The following ZNF791 variants were observed in gnomAD, a reference collection of about 807,000 sequenced individuals.
The protein encoded by ZNF791 is zinc finger protein 791.
A neutral mutation model predicts 11.5 loss-of-function variants in ZNF791; 4 were observed. The observed-to-expected ratio is 0.35, with a 90% CI of 0.17 to 0.80. ZNF791 has a LOEUF of 0.80. Ranked by LOEUF, ZNF791 falls within the 30% of genes least tolerant of loss-of-function variation. The pLI is 0.53. For missense variants in ZNF791, 559 were observed against 699.4 expected, an observed-to-expected ratio of 0.80 and a Z score of 2.26; for synonymous variants, 212 against 228.1, an observed-to-expected ratio of 0.93 and a Z score of 0.64.
intron 1 of ZNF791, among the ~76,000 whole-genome samples, chr19:12,621,345 C>T (rs913017867): frequency 2.0e-5 from 3 of 152,064 alleles, no homozygotes; most frequent in African/African-American, 7.2e-5. Flanking sequence ...TGTGAGGGCC[C>T]CTTCCTTGTG....
At chr19:12,622,740 A>G (rs1485077791) in intron 1 of ZNF791, among the ~76,000 whole-genome samples, 3 of 151,926 alleles carry the variant, frequency 2.0e-5, no homozygotes, top group South Asian at 4.1e-4. Flanking sequence ...TAAAAATACA[A>G]AAAATTAGCT....
Position 12,628,548 on chromosome 19 carries a change from G to A in ZNF791, c.1019G>A (p.Arg340His), listed in dbSNP as rs143839457. ...CKECGKSFSA[R>H]PAFRVHVRVH... ...GAATGTGGGAAATCTTTCAGTGCAC[G>A]CCCAGCCTTTCGAGTACACGTGAGA... is the stretch of plus-strand genomic sequence containing the variant. Residue 340 changes from arginine to histidine, a missense_variant, in exon 4 of 4, where the codon CGC (arginine) becomes CAC (histidine). By Grantham distance (29) the Arg-to-His change is conservative (BLOSUM62 0). Coordinates refer to ENST00000343325, the MANE Select transcript of ZNF791 (RefSeq NM_153358.3). 39 of 1,601,852 alleles carry A rather than the reference G, an allele frequency of 2.4e-5. No homozygotes were observed. Among genetic ancestry groups the A allele is most frequent in the East Asian group, 4.5e-5 (2 of 44,718 alleles).
At chr19:12,626,600 ATTTTAT>A (rs763344600) in intron 3 of ZNF791, among the ~76,000 whole-genome samples, 1 of 151,690 alleles carries the variant, frequency 6.6e-6, no homozygotes, top group African/African-American at 2.4e-5. Context: ...ACAGTATTTT[ATTTTAT>A]TTTTATTTTT....
chr19:12,612,778 A>G (rs183743793), intron 1 of ZNF791, among the ~76,000 whole-genome samples: 23 of 143,256 alleles, frequency 1.6e-4, no homozygotes, highest in African/African-American at 5.9e-4. Flanking sequence ...CTTTATACGT[A>G]AACACTGTGT....
rs370413296 is a variant in ZNF791 at position 12,622,411 on chromosome 19, CAAAAAAA to C, written c.4-1274_4-1268del. On this transcript the variant is annotated intron_variant, in intron 1 of 3. Transcript: ENST00000343325. ...ATAATAAAAAAAAGACTGTCTCAAA[CAAAAAAA>C]AAAAAAAAAAAAAACCTCCACCTCA... Among the ~76,000 whole-genome samples, 7 of 79,604 alleles carry C rather than the reference CAAAAAAA, an allele frequency of 8.8e-5. No individual in the cohort carries two copies. The East Asian group carries it at 1.9e-3, about 22-fold the overall frequency. The allele number at this position is 79,604 out of a possible 152,430, so 52.2% of individuals were successfully genotyped here.
At chr19:12,612,045 C>T (rs924786478) in intron 1 of ZNF791, among the ~76,000 whole-genome samples, 1 of 152,086 alleles carries the variant, frequency 6.6e-6, no homozygotes, top group South Asian at 2.1e-4. Flanking sequence ...TGTTCTTTCC[C>T]TGAGCACATG....
rs770530719 is a variant in ZNF791, at chr19:12,623,708, G to A, written c.12G>A (p.Val4=). The change falls in exon 2 of 4, where the codon GTG becomes GTA. Residue 4 remains valine, a synonymous_variant. Coordinates refer to ENST00000343325, the MANE Select transcript of ZNF791 (RefSeq NM_153358.3). ...TATATTGGATGTTTCAGGACTCAGT[G>A]GCTTTTGAGGATGTGTCTGTGAGCT... MDS[V]AFEDVSVSFS... 6 of 1,614,086 alleles carry A rather than the reference G, an allele frequency of 3.7e-6. No homozygotes were observed. The South Asian group carries it at 5.5e-5, about 15-fold the overall frequency.
Position 12,611,878 on chromosome 19 carries a change from A to G in ZNF791, c.3+796A>G, listed in dbSNP as rs2023162910. 1.3e-5 allele frequency among the ~76,000 whole-genome samples: 2 copies of G among 152,166 alleles called. 1 individual carries two copies. The highest frequency in any genetic ancestry group is 4.1e-4 in the South Asian group (2 of 4,832). On this transcript the variant is annotated intron_variant, in intron 1 of 3. Transcript: ENST00000343325. ...TCCCGCCTTGGGTTTATGACCTTGA[A>G]AAGATTTATTCACTCGAATGTCATT... is the stretch of plus-strand genomic sequence containing the variant.
chr19:12,620,509 A>G (rs1405096563), intron 1 of ZNF791, among the ~76,000 whole-genome samples: 3 of 152,074 alleles, frequency 2.0e-5, no homozygotes, highest in South Asian at 2.1e-4. Context: ...GTAAATGTAA[A>G]TAAACCTTAC....
intron 3 of ZNF791, among the ~76,000 whole-genome samples, chr19:12,625,929 C>G (rs1478509272): frequency 1.3e-5 from 2 of 152,038 alleles, no homozygotes; most frequent in African/African-American, 2.4e-5. Flanking sequence ...ACTGCAACCT[C>G]TAACCCCTGG....
chr19:12,627,538 A>C (rs575186291), intron 3 of ZNF791, among the ~76,000 whole-genome samples, 183 bp from the exon 4 acceptor site: 1 of 152,298 alleles, frequency 6.6e-6, no homozygotes, highest in East Asian at 1.9e-4. Flanking sequence ...AGGTAGGAGA[A>C]TTGCTTGAAG....
chr19:12,627,936 A>T lies in ZNF791; in HGVS notation c.407A>T (p.Glu136Val). The change falls in exon 4 of 4, where the codon GAG (glutamate) becomes GTG (valine). Residue 136 changes from glutamate to valine, a missense_variant. Transcript: ENST00000343325. Reference protein sequence around the residue: ...ELFEKPYKCKECEKAFSYLKS... With the variant: ...ELFEKPYKCKVCEKAFSYLKS... ...TTTGAGAAGCCATATAAATGTAAGG[A>T]GTGTGAGAAAGCCTTTAGTTATCTC... is the stretch of plus-strand genomic sequence containing the variant. 1 of 1,614,202 alleles carries T rather than the reference A, an allele frequency of 6.2e-7. No homozygotes were observed. Among genetic ancestry groups the T allele is most frequent in the East Asian group, 2.2e-5 (1 of 44,884 alleles).
intron 2 of ZNF791, 46 bp downstream of exon 2, chr19:12,623,872 G>GGGGT: frequency 1.0e-6 from 1 of 1,004,002 alleles, no homozygotes; most frequent in Non-Finnish European, 1.4e-6. Flanking sequence ...TTTTTTTTTG[G>GGGGT]GGGGGGACAG....
chr19:12,618,401 C>T (rs368273464), intron 1 of ZNF791, among the ~76,000 whole-genome samples: 1 of 152,236 alleles, frequency 6.6e-6, no homozygotes, highest in East Asian at 1.9e-4. Context: ...GTCCCAGCTA[C>T]TCAGGAGTCT....
intron 1 of ZNF791, among the ~76,000 whole-genome samples, chr19:12,620,650 T>C (rs2023324983): frequency 6.6e-6 from 1 of 150,702 alleles, no homozygotes; most frequent in Non-Finnish European, 1.5e-5. Context: ...TTTTAACGTA[T>C]GGTGCACATG....
intron 2 of ZNF791, 29 bp downstream of exon 2, chr19:12,623,855 C>CTTTTTTTT: frequency 3.9e-6 from 2 of 509,418 alleles, no homozygotes; most frequent in South Asian, 2.9e-5. Flanking sequence ...TTTCTTTTTT[C>CTTTTTTTT]TTTTTTTTTT....
Position 12,629,173 on chromosome 19 carries a change from T to C in ZNF791, c.1644T>C (p.Tyr548=). ...AAAGACATACAAGAATTCACAATTA[T>C]GAGAAACCTCTTGAATGTAAGCAAT... is the stretch of plus-strand genomic sequence containing the variant. The part of the protein sequence containing the change: ...SFQRHTRIHN[Y]EKPLECKQCG... Residue 548 remains tyrosine (Y), a synonymous_variant, in exon 4 of 4, where the codon TAT becomes TAC. Transcript: ENST00000343325. 1.3e-6 allele frequency: 2 copies of C among 1,590,776 alleles called. No individual in the cohort carries two copies. Among genetic ancestry groups the C allele is most frequent in the Non-Finnish European group, 1.7e-6 (2 of 1,170,820 alleles).
chr19:12,620,647 G>A (rs1456216215), intron 1 of ZNF791, among the ~76,000 whole-genome samples: 3 of 150,262 alleles, frequency 2.0e-5, no homozygotes, highest in South Asian at 2.1e-4. Flanking sequence ...ATCTTTTAAC[G>A]TATGGTGCAC....
intron 1 of ZNF791, among the ~76,000 whole-genome samples, chr19:12,613,436 C>A (rs944105993): frequency 6.6e-6 from 1 of 152,038 alleles, no homozygotes; most frequent in Non-Finnish European, 1.5e-5. Context: ...AAAAAATTAG[C>A]TGGGCGTGGA....
Sources: gnomAD v4.1 joint callset for allele counts (sites outside exome capture counted in the v4.1 genomes callset) on GRCh38, gnomAD v4.1.1 for gene constraint, MANE v1.5 for transcripts, NCBI Gene and HGNC (gene_info 2026-07-23, HGNC 2026-07-21) for gene names.